The following FLT3 variants were observed in gnomAD, a reference collection of about 807,000 sequenced individuals.
The protein encoded by FLT3 is receptor-type tyrosine-protein kinase FLT3.
In FLT3, 46 loss-of-function variants were observed where a neutral mutation model predicts 126.6. The observed-to-expected ratio is 0.36, with a 90% CI of 0.29 to 0.46. The LOEUF (loss-of-function observed/expected upper bound fraction) is 0.46, where lower values mean the gene tolerates loss of function less well. Among genes scored for constraint, FLT3 ranks in the 20% least tolerant of loss-of-function variants. FLT3 has a pLI of 1.00. For missense variants in FLT3, 1,069 were observed against 1,190.3 expected, an observed-to-expected ratio of 0.90 and a Z score of 1.50; for synonymous variants, 404 against 434.4, an observed-to-expected ratio of 0.93 and a Z score of 0.87.
intron 20 of FLT3, among the ~76,000 whole-genome samples, chr13:28,017,400 T>G (rs1038323578): frequency 1.3e-5 from 2 of 152,016 alleles, no homozygotes; most frequent in Non-Finnish European, 2.9e-5. Flanking sequence ...TTTTTTATTT[T>G]TTATAGAGAC....
At chr13:28,008,275 CAA>C (rs11409962) in intron 23 of FLT3, among the ~76,000 whole-genome samples, 386 of 87,080 alleles carry the variant, frequency 4.4e-3, no homozygotes, top group African/African-American at 0.015. Flanking sequence ...GAACCTGTCT[CAA>C]AAAAAAAAAA....
At chr13:28,020,570 C>T (rs562210660) in intron 19 of FLT3, among the ~76,000 whole-genome samples, 4 of 152,230 alleles carry the variant, frequency 2.6e-5, no homozygotes, top group African/African-American at 9.6e-5. Context: ...TGGTCTTGAA[C>T]TCTTGGCCTC....
intron 1 of FLT3, among the ~76,000 whole-genome samples, chr13:28,094,496 TC>T (rs1593311892): frequency 6.6e-6 from 1 of 152,172 alleles, no homozygotes; most frequent in East Asian, 1.9e-4. Context: ...TATATTTTTT[TC>T]CTTTCTTTTT....
At chr13:28,061,413 TG>T (rs1876550010) in intron 3 of FLT3, among the ~76,000 whole-genome samples, 1 of 152,064 alleles carries the variant, frequency 6.6e-6, no homozygotes, top group Non-Finnish European at 1.5e-5. Context: ...TATAATGTCA[TG>T]TATTGATGCC....
At position 28,049,961 on chromosome 13, in the gene FLT3, A is replaced by G. The variant is rs79076694; in HGVS notation, c.742+134T>C. ...AATCAGCATTTACAGAATCCATAAT[A>G]TTGCATTTACTGTGACCTGAAGGAA... On this transcript the variant is annotated intron_variant, in intron 6 of 23. Coordinates refer to ENST00000241453, the MANE Select transcript of FLT3 (RefSeq NM_004119.3). 11,033 of 1,175,530 alleles carry G rather than the reference A, an allele frequency of 9.4e-3. 86 individuals carry two copies. Among genetic ancestry groups the G allele is most frequent in the East Asian group, 0.025 (1,083 of 42,602 alleles). 72.8% of individuals were successfully genotyped at this position (1,175,530 alleles called of 1,614,324 possible). A position where few individuals can be genotyped will look rare whatever the true frequency, so the allele number is the denominator to read the frequency against.
intron 9 of FLT3, among the ~76,000 whole-genome samples, chr13:28,043,878 A>G (rs1250197238): frequency 1.3e-5 from 2 of 151,896 alleles, no homozygotes; most frequent in East Asian, 1.9e-4. Context: ...TTGGGAGGGC[A>G]AGGCGGGCAG....
chr13:28,048,807 C>T (rs187874095), intron 8 of FLT3, among the ~76,000 whole-genome samples: 170 of 152,300 alleles, frequency 1.1e-3, no homozygotes, highest in African/African-American at 3.3e-3. Context: ...GCAATATTCA[C>T]GAGGTTGCCT....
rs1018622015 is a variant in FLT3, at chr13:28,081,589, C to T, written c.44-10977G>A. Among the ~76,000 whole-genome samples the T allele has an allele frequency of 5.3e-5, 8 of 152,154 alleles. No homozygotes were observed. In the East Asian group the frequency reaches 1.4e-3, roughly 26 times the overall value. On this transcript the variant is annotated intron_variant, in intron 1 of 23. Transcript: ENST00000241453. ...CTTCCTTTTCAATCTGGATGCTTTT[C>T]ATTTCTTTTTCACGTCTTAATACGT...
chr13:28,049,655 C>CTAA lies in FLT3; in HGVS notation c.859_861dup (p.Leu287dup), dbSNP rs1875253105. 2.5e-6 allele frequency: 4 copies of CTAA among 1,614,002 alleles called. No individual in the cohort carries two copies. The Admixed American group carries it at 6.7e-5, about 27-fold the overall frequency. On this transcript the variant is annotated inframe_insertion, in exon 7 of 24. Transcript: ENST00000241453. ...ATTACCTCCTCGAGTGCTTTGTTTT[C>CTAA]TAATTCCCAGGTGAGCCCGAATCCA...
In FLT3 at chr13:28,014,538, A is replaced by G; in HGVS notation, c.2773T>C (p.Cys925Arg). ...TEEIYIIMQS[C>R]WAFDSRKRPS... Reference sequence around the variant, plus strand: ...CGTTTCCTTGAGTCAAAAGCCCAGCAGGATTGCATTATAATGTATCTGTAA... The same window carrying G: ...CGTTTCCTTGAGTCAAAAGCCCAGCGGGATTGCATTATAATGTATCTGTAA... The change falls in exon 23 of 24, where the codon TGC becomes CGC. Residue 925 changes from cysteine to arginine, a missense_variant. Physicochemically the swap from Cys to Arg is radical, Grantham distance 180 (BLOSUM62 -3). Transcript: ENST00000241453. The G allele has an allele frequency of 6.2e-7, 1 of 1,613,546 alleles. No individual in the cohort carries two copies. Among genetic ancestry groups the G allele is most frequent in the Non-Finnish European group, 8.5e-7 (1 of 1,179,446 alleles).
chr13:28,033,673 CAA>C (rs976116903), intron 15 of FLT3, among the ~76,000 whole-genome samples: 3 of 152,056 alleles, frequency 2.0e-5, no homozygotes, highest in African/African-American at 7.2e-5. Context: ...TAAAAATAAA[CAA>C]AGAGAGAAGT....
intron 23 of FLT3, 116 bp from the exon 24 acceptor site, chr13:28,004,290 T>TTTTG (rs371173567): frequency 8.9e-6 from 10 of 1,127,078 alleles, no homozygotes; most frequent in African/African-American, 1.6e-5. Context: ...ACAATTACTT[T>TTTTG]TTTGTTTGTT....
intron 20 of FLT3, among the ~76,000 whole-genome samples, chr13:28,016,511 C>T (rs1871877241): frequency 6.6e-6 from 1 of 152,122 alleles, no homozygotes. Flanking sequence ...CCTCGTGATC[C>T]ACCCGCCTCA....
At chr13:28,077,672 A>G (rs9513035) in intron 1 of FLT3, among the ~76,000 whole-genome samples, 25,925 of 151,998 alleles carry the variant, frequency 0.17, 2,410 homozygotes, top group Middle Eastern at 0.27. Context: ...TCCAAAATCA[A>G]TCATGCCTTC....
At chr13:28,049,603 T>G in intron 7 of FLT3, 32 bp downstream of exon 7, 1 of 1,613,430 alleles carries the variant, frequency 6.2e-7, no homozygotes, top group Non-Finnish European at 8.5e-7. Context: ...TAATTGTTCC[T>G]GCATTTTCAG....
chr13:28,100,536 G>A lies in FLT3; in HGVS notation c.-26C>T, dbSNP rs1879767101. On this transcript the variant is annotated 5_prime_UTR_variant, in exon 1 of 24. Coordinates refer to ENST00000241453, the MANE Select transcript of FLT3 (RefSeq NM_004119.3). The surrounding 1 kb of genome is among the most constrained non-coding windows in gnomAD (Gnocchi z 4.8). ...GGCCTCCGGAGCCCGGGGTCCCCAG[G>A]CCGCGCCGGCCCAGCCCTGCGATGC... 2.5e-6 allele frequency: 3 copies of A among 1,209,570 alleles called. No homozygotes were observed. The highest frequency in any genetic ancestry group is 1.0e-6 in the Non-Finnish European group (1 of 973,082). 74.9% of individuals were successfully genotyped at this position (1,209,570 alleles called of 1,614,324 possible).
chr13:28,098,955 G>C (rs1053642102), intron 1 of FLT3, among the ~76,000 whole-genome samples: 1 of 152,146 alleles, frequency 6.6e-6, no homozygotes, highest in Non-Finnish European at 1.5e-5. Context: ...ACCTGGGGAG[G>C]GGGTACTGAC....
intron 1 of FLT3, among the ~76,000 whole-genome samples, chr13:28,085,343 CAAAAAAAAA>C (rs59478584): frequency 7.3e-5 from 6 of 82,296 alleles, no homozygotes; most frequent in Admixed American, 3.0e-4. Flanking sequence ...GACTCCATCT[CAAAAAAAAA>C]AAAAAAAAAA....
At chr13:28,028,062 G>T in intron 16 of FLT3, 116 bp downstream of exon 16, 1 of 655,354 alleles carries the variant, frequency 1.5e-6, no homozygotes. Context: ...AGTTCACACT[G>T]TGACTGAGAA....
Sources: allele counts gnomAD v4.1 joint callset (sites outside exome capture counted in the v4.1 genomes callset), GRCh38; gene constraint gnomAD v4.1.1; non-coding constraint Gnocchi (gnomAD v3.1); transcripts MANE v1.5; gene names NCBI Gene and HGNC (gene_info 2026-07-23, HGNC 2026-07-21).